The following PRRG1 variants were observed in gnomAD, a reference collection of about 807,000 sequenced individuals.
PRRG1 encodes proline rich and Gla domain 1, also known as transmembrane gamma-carboxyglutamic acid protein 1.
Under a neutral mutation model 11.8 loss-of-function variants are expected in PRRG1, and 5 were observed. The ratio of observed to expected loss-of-function variants is 0.42; its 90% confidence interval spans 0.22 to 0.89. PRRG1 has a LOEUF of 0.89. PRRG1 is among the 40% of genes least tolerant of loss of function. The probability of loss-of-function intolerance (pLI) is 0.28; values close to 1 mark genes in which losing one functional copy is unlikely to be tolerated. For missense variants in PRRG1, 155 were observed against 166.1 expected, an observed-to-expected ratio of 0.93 and a Z score of 0.37; for synonymous variants, 66 against 60.4, an observed-to-expected ratio of 1.09 and a Z score of -0.43.
At chrX:37,355,306 C>G (rs1304020113) in intron 1 of PRRG1, among the ~76,000 whole-genome samples, 2 of 110,953 alleles carry the variant, frequency 1.8e-5, no homozygotes, top group Non-Finnish European at 3.8e-5. Flanking sequence ...AGTGCCCCTC[C>G]CCACAATATT....
At chrX:37,414,884 C>T (rs1217641315) in intron 2 of PRRG1, among the ~76,000 whole-genome samples, 19 of 112,258 alleles carry the variant, frequency 1.7e-4, no homozygotes, top group African/African-American at 5.5e-4. Flanking sequence ...AAATCATTCA[C>T]TCTCTATTTC....
chrX:37,385,077 T>C (rs781992364), intron 1 of PRRG1, among the ~76,000 whole-genome samples: 1 of 112,195 alleles, frequency 8.9e-6, no homozygotes, highest in East Asian at 2.8e-4. Flanking sequence ...AAACCTAAAC[T>C]TGAAATAACT....
At chrX:37,374,533 C>T (rs1220217815) in intron 1 of PRRG1, among the ~76,000 whole-genome samples, 2 of 111,147 alleles carry the variant, frequency 1.8e-5, no homozygotes, top group East Asian at 2.8e-4. Flanking sequence ...ATACTAAATT[C>T]GCTTATGTAT....
At chrX:37,421,865 T>C (rs1190816751) in intron 2 of PRRG1, among the ~76,000 whole-genome samples, 4 of 112,241 alleles carry the variant, frequency 3.6e-5, no homozygotes, top group South Asian at 3.7e-4. Flanking sequence ...TCTATAATAG[T>C]ATCTTTCCTA....
intron 3 of PRRG1, chrX:37,440,745 T>C (rs1556393344): frequency 2.0e-6 from 1 of 507,481 alleles, no homozygotes; most frequent in African/African-American, 2.3e-5. Flanking sequence ...GCATTCCACT[T>C]TGCTGTTTTC....
At chrX:37,451,518 T>C (rs1271058218) in intron 3 of PRRG1, among the ~76,000 whole-genome samples, 1 of 112,426 alleles carries the variant, frequency 8.9e-6, no homozygotes, top group Non-Finnish European at 1.9e-5. Context: ...ACTTTGACAA[T>C]TTCAGCTTTT....
chrX:37,368,041 A>G (rs1370065291), intron 1 of PRRG1, among the ~76,000 whole-genome samples: 6 of 112,317 alleles, frequency 5.3e-5, no homozygotes, highest in Non-Finnish European at 7.5e-5. Context: ...TATTGTGGTC[A>G]GAGAATACAC....
intron 1 of PRRG1, among the ~76,000 whole-genome samples, chrX:37,376,108 A>C (rs1240374693): frequency 1.1e-4 from 12 of 111,257 alleles, no homozygotes; most frequent in African/African-American, 3.9e-4. Context: ...ATAACTTTCA[A>C]GCTCCTTACA....
chrX:37,450,520 A>T (rs186043201), intron 3 of PRRG1, among the ~76,000 whole-genome samples: 1 of 112,569 alleles, frequency 8.9e-6, no homozygotes, highest in Non-Finnish European at 1.9e-5. Context: ...CAAAAAACAG[A>T]GAAATTGAAT....
chrX:37,409,739 T>A (rs903899028), intron 2 of PRRG1, among the ~76,000 whole-genome samples: 1 of 112,095 alleles, frequency 8.9e-6, no homozygotes, highest in Non-Finnish European at 1.9e-5. Context: ...AAATTTTTCC[T>A]GCACTTGGCA....
chrX:37,407,614 A>C (rs1201094787), intron 2 of PRRG1, among the ~76,000 whole-genome samples: 1 of 112,026 alleles, frequency 8.9e-6, no homozygotes, highest in African/African-American at 3.2e-5. Context: ...CTGCACTTCT[A>C]GCCTCAGAAA....
At chrX:37,421,179 G>A (rs1423837158) in intron 2 of PRRG1, among the ~76,000 whole-genome samples, 1 of 111,847 alleles carries the variant, frequency 8.9e-6, no homozygotes, top group African/African-American at 3.2e-5. Flanking sequence ...TTATGAAAAA[G>A]TGGTTACATT....
chrX:37,401,779 C>G (rs1408248463), intron 1 of PRRG1, among the ~76,000 whole-genome samples: 1 of 111,428 alleles, frequency 9.0e-6, no homozygotes, highest in East Asian at 2.8e-4. Flanking sequence ...TAAGCAACTT[C>G]AGCAAAGTCT....
chrX:37,403,772 A>C, intron 1 of PRRG1: 1 of 753,341 alleles, frequency 1.3e-6, no homozygotes, highest in Non-Finnish European at 1.6e-6. Context: ...CAGAAGAAGC[A>C]AGGAGGTAAC....
chrX:37,379,058 T>TA (rs1491185023), intron 1 of PRRG1, among the ~76,000 whole-genome samples: 8 of 83,991 alleles, frequency 9.5e-5, no homozygotes, highest in Admixed American at 3.8e-4. Context: ...TTTTTTTTTT[T>TA]AGCATGGGAT....
At chrX:37,383,198 A>G (rs782742105) in intron 1 of PRRG1, among the ~76,000 whole-genome samples, 4 of 112,089 alleles carry the variant, frequency 3.6e-5, no homozygotes, top group Admixed American at 9.4e-5. Flanking sequence ...TTACAAACAA[A>G]CCCACACTCA....
chrX:37,428,059 G>A lies in PRRG1; in HGVS notation c.171+2059G>A, dbSNP rs782218064. The stretch of plus-strand genomic sequence containing the variant: ...TTATTCACTATCATGAGAACAGCAC[G>A]GGAAAGACTGGCCCCCATAATTCAA... On this transcript the variant is annotated intron_variant, in intron 3 of 3. Coordinates refer to ENST00000378628, the MANE Select transcript of PRRG1 (RefSeq NM_001142395.2). 7.2e-5 allele frequency among the ~76,000 whole-genome samples: 8 copies of A among 110,939 alleles called. No individual in the cohort carries two copies. The East Asian group carries it at 2.0e-3, about 28-fold the overall frequency.
chrX:37,441,433 G>C (rs782086609), intron 3 of PRRG1: 2 of 752,992 alleles, frequency 2.7e-6, no homozygotes, highest in African/African-American at 4.7e-5. Flanking sequence ...ACCCACTTCC[G>C]GCCCTTTCCG....
At chrX:37,436,046 C>T (rs781973877) in intron 3 of PRRG1, among the ~76,000 whole-genome samples, 2 of 112,032 alleles carry the variant, frequency 1.8e-5, no homozygotes, top group Non-Finnish European at 3.8e-5. Flanking sequence ...TTTTAAAATG[C>T]ACAGTCCAGG....
Sources: allele counts gnomAD v4.1 joint callset (sites outside exome capture counted in the v4.1 genomes callset), GRCh38; gene constraint gnomAD v4.1.1; transcripts MANE v1.5; gene names NCBI Gene and HGNC (gene_info 2026-07-23, HGNC 2026-07-21).